Variants in CHRM3 observed in about 807,000 individuals in gnomAD.
The protein encoded by CHRM3 is muscarinic acetylcholine receptor M3.
In CHRM3, 11 loss-of-function variants were observed where a neutral mutation model predicts 41.8. That is an observed-to-expected ratio of 0.26 (90% CI 0.17 to 0.44). The LOEUF is 0.44. CHRM3 is among the 20% of genes least tolerant of loss of function. CHRM3 has a pLI of 1.00. For synonymous variants in CHRM3, 297 were observed against 301.4 expected (o/e 0.99, Z 0.15); for missense variants, 571 against 745.4 (o/e 0.77, Z 2.72).
At chr1:239,540,855 T>C (rs1026327192) in intron 2 of CHRM3, among the ~76,000 whole-genome samples, 3 of 152,116 alleles carry the variant, frequency 2.0e-5, no homozygotes, top group Admixed American at 6.6e-5. Flanking sequence ...TGTTAAACTG[T>C]TTCCCTGATG....
In CHRM3 at chr1:239,757,458, G is replaced by A. The variant is rs185833450; in HGVS notation, c.-146-69794G>A. ...ATCCTGGCTAACATGGTGAAACCCC[G>A]TCTCTACTAAAAATACAAAAAATTA... On this transcript the variant is annotated intron_variant, in intron 5 of 6. Coordinates refer to ENST00000676153, the MANE Select transcript of CHRM3 (RefSeq NM_001375978.1). Among the ~76,000 whole-genome samples the A allele has an allele frequency of 3.6e-4, 54 of 151,978 alleles. 2 individuals are homozygous for A. In the East Asian group the frequency reaches 9.4e-3, roughly 26 times the overall value.
intron 5 of CHRM3, among the ~76,000 whole-genome samples, chr1:239,809,076 T>C (rs1022610731): frequency 1.2e-4 from 18 of 146,928 alleles, no homozygotes; most frequent in Admixed American, 5.6e-4. Flanking sequence ...CTGGAGTGCA[T>C]TGGCGCAATC....
At chr1:239,732,899 G>T (rs890756883) in intron 5 of CHRM3, among the ~76,000 whole-genome samples, 2 of 150,494 alleles carry the variant, frequency 1.3e-5, no homozygotes, top group African/African-American at 4.9e-5. Context: ...ATATCACTTA[G>T]ATAAGTATAC....
intron 6 of CHRM3, among the ~76,000 whole-genome samples, chr1:239,835,444 A>G (rs1673231586): frequency 6.6e-6 from 1 of 152,054 alleles, no homozygotes; most frequent in African/African-American, 2.4e-5. Flanking sequence ...GAGGAAAAAG[A>G]TTGTTTGGGC....
At chr1:239,483,126 A>G (rs1468923597) in intron 1 of CHRM3, among the ~76,000 whole-genome samples, 1 of 152,230 alleles carries the variant, frequency 6.6e-6, no homozygotes, top group Non-Finnish European at 1.5e-5. Context: ...ACACTAGTTT[A>G]AAATAGCCTA....
chr1:239,595,802 A>G (rs115610059), intron 3 of CHRM3, among the ~76,000 whole-genome samples: 1,560 of 152,298 alleles, frequency 0.01, 20 homozygotes, highest in Middle Eastern at 0.017. Context: ...TCTAATTTAA[A>G]CATCAGTGCC....
chr1:239,428,982 T>A (rs1662616715), intron 1 of CHRM3, among the ~76,000 whole-genome samples: 1 of 152,224 alleles, frequency 6.6e-6, no homozygotes, highest in Non-Finnish European at 1.5e-5. Flanking sequence ...TGTGGATTCA[T>A]GTTTTTCACT....
chr1:239,696,144 T>C (rs1449187678), intron 5 of CHRM3, among the ~76,000 whole-genome samples: 2 of 152,162 alleles, frequency 1.3e-5, no homozygotes, highest in Non-Finnish European at 2.9e-5. Flanking sequence ...GGGTGGGACA[T>C]TTAACCTCCC....
At chr1:239,858,390 G>A (rs1044690991) in intron 6 of CHRM3, among the ~76,000 whole-genome samples, 2 of 152,082 alleles carry the variant, frequency 1.3e-5, no homozygotes, top group Admixed American at 1.3e-4. Context: ...CATGAGGAAT[G>A]TAAGTATCGT....
rs937910123 is a variant in CHRM3 at position 239,848,450 on chromosome 1, A to C, written c.-20+21072A>C. Among the ~76,000 whole-genome samples the C allele has an allele frequency of 5.9e-5, 9 of 152,142 alleles. No homozygotes were observed. In the South Asian group the frequency reaches 1.2e-3, roughly 21 times the overall value. On this transcript the variant is annotated intron_variant, in intron 6 of 6. Transcript: ENST00000676153. The stretch of plus-strand genomic sequence containing the variant: ...ATTTTATATGATTTTAATGATCCCC[A>C]AAAATTTTTAGAAAACTGTTACAAT...
intron 4 of CHRM3, among the ~76,000 whole-genome samples, chr1:239,676,353 G>C (rs572857600): frequency 3.0e-5 from 4 of 133,356 alleles, no homozygotes; most frequent in Non-Finnish European, 6.9e-5. Flanking sequence ...CCTGCCATGT[G>C]TATTACAGAG....
chr1:239,881,145 T>A (rs193177569), intron 6 of CHRM3, among the ~76,000 whole-genome samples: 2,022 of 149,846 alleles, frequency 0.013, 50 homozygotes, highest in African/African-American at 0.047. Flanking sequence ...TAGCCGGGCG[T>A]GGTGGTGGGC....
At chr1:239,563,751 T>G (rs1661102689) in intron 3 of CHRM3, among the ~76,000 whole-genome samples, 2 of 152,292 alleles carry the variant, frequency 1.3e-5, no homozygotes, top group East Asian at 3.9e-4. Flanking sequence ...GACGAGAGGC[T>G]ATTTGTAGGA....
At chr1:239,490,526 C>T (rs1283827919) in intron 1 of CHRM3, among the ~76,000 whole-genome samples, 3 of 151,972 alleles carry the variant, frequency 2.0e-5, no homozygotes, top group African/African-American at 7.3e-5. Context: ...TAGTAAATAT[C>T]TCTTGAATTG....
intron 1 of CHRM3, among the ~76,000 whole-genome samples, chr1:239,484,203 T>G (rs2148019465): frequency 6.6e-6 from 1 of 152,276 alleles, no homozygotes; most frequent in South Asian, 2.1e-4. Flanking sequence ...CACCATCTGC[T>G]CAGCTTCTGG....
In CHRM3 at chr1:239,387,889, G is replaced by A. The variant is rs1658670043; in HGVS notation, c.-521+662G>A. Among the ~76,000 whole-genome samples, 1 of 152,190 alleles carries A rather than the reference G, an allele frequency of 6.6e-6. No homozygotes were observed. The highest frequency in any genetic ancestry group is 1.5e-5 in the Non-Finnish European group (1 of 68,034). ...GAGAGTCTGCACTCGCGAGGCAGCG[G>A]CCGCTGGACTGCACCGGTTCTCCTC... On this transcript the variant is annotated intron_variant, in intron 1 of 6. Transcript: ENST00000676153. The surrounding 1 kb of genome is among the most constrained non-coding windows in gnomAD (Gnocchi z 5.1).
chr1:239,466,312 T>C (rs1161648046), intron 1 of CHRM3, among the ~76,000 whole-genome samples: 2 of 152,146 alleles, frequency 1.3e-5, no homozygotes, highest in African/African-American at 4.8e-5. Context: ...ATTTAATCAA[T>C]AGAAAATGTC....
chr1:239,497,461 G>T (rs1473132641), intron 2 of CHRM3, among the ~76,000 whole-genome samples: 1 of 152,096 alleles, frequency 6.6e-6, no homozygotes, highest in Non-Finnish European at 1.5e-5. Context: ...TCTTTTGCTG[G>T]CTCATAAGCA....
chr1:239,564,628 T>G (rs1337873619), intron 3 of CHRM3, among the ~76,000 whole-genome samples: 1 of 152,186 alleles, frequency 6.6e-6, no homozygotes, highest in African/African-American at 2.4e-5. Flanking sequence ...ACCATATATC[T>G]TAACCACTGC....
Sources: allele counts gnomAD v4.1 joint callset (sites outside exome capture counted in the v4.1 genomes callset), GRCh38; gene constraint gnomAD v4.1.1; non-coding constraint Gnocchi (gnomAD v3.1); transcripts MANE v1.5; gene names NCBI Gene and HGNC (gene_info 2026-07-23, HGNC 2026-07-21).